The following MATN2 variants were observed in gnomAD, a reference collection of about 807,000 sequenced individuals.
The protein encoded by MATN2 is matrilin-2.
In MATN2, 69 loss-of-function variants were observed where a neutral mutation model predicts 103.2. The ratio of observed to expected loss-of-function variants is 0.67; its 90% CI spans 0.55 to 0.82. The LOEUF (loss-of-function observed/expected upper bound fraction) is 0.82, where lower values mean the gene tolerates loss of function less well. MATN2 is among the 40% of genes least tolerant of loss of function. The pLI is 0.00. For synonymous variants in MATN2, 429 were observed against 450.2 expected (o/e 0.95, Z 0.60); for missense variants, 1,023 against 1,211.5 (o/e 0.84, Z 2.31).
chr8:97,988,152 CAAAAAA>C (rs869146483), intron 6 of MATN2, among the ~76,000 whole-genome samples: 2 of 65,868 alleles, frequency 3.0e-5, no homozygotes, highest in Admixed American at 1.9e-4. Context: ...CCATCTCCAC[CAAAAAA>C]AAAAAAAAAA....
chr8:97,972,797 C>G, intron 5 of MATN2, among the ~76,000 whole-genome samples: 1 of 152,192 alleles, frequency 6.6e-6, no homozygotes, highest in Middle Eastern at 3.2e-3. Flanking sequence ...CACTTGTGAT[C>G]TGGAGGGCTA....
chr8:97,994,356 T>C, intron 6 of MATN2, 124 bp from the exon 7 acceptor site: 2 of 993,472 alleles, frequency 2.0e-6, no homozygotes, highest in East Asian at 5.0e-5. Context: ...GACCCCTTCA[T>C]GGTGTGACTC....
chr8:97,872,495 T>G (rs1817928413), intron 1 of MATN2, among the ~76,000 whole-genome samples: 1 of 152,224 alleles, frequency 6.6e-6, no homozygotes, highest in African/African-American at 2.4e-5. Flanking sequence ...GATGTTATCT[T>G]GCAGTTCTGA....
At chr8:97,939,951 A>G (rs1251832649) in intron 3 of MATN2, among the ~76,000 whole-genome samples, 2 of 152,198 alleles carry the variant, frequency 1.3e-5, no homozygotes, top group Non-Finnish European at 2.9e-5. Flanking sequence ...CAATGTATAT[A>G]GGATGAACCT....
chr8:97,900,207 C>T (rs1489151728), intron 2 of MATN2, among the ~76,000 whole-genome samples: 1 of 152,148 alleles, frequency 6.6e-6, no homozygotes, highest in Non-Finnish European at 1.5e-5. Flanking sequence ...GCTCAGAAGA[C>T]CATGGGGCTA....
chr8:97,925,717 A>G (rs1016588399), intron 2 of MATN2, among the ~76,000 whole-genome samples: 18 of 152,188 alleles, frequency 1.2e-4, no homozygotes, highest in Non-Finnish European at 1.5e-5. Flanking sequence ...GAGGCTCAAG[A>G]TCATTTGGAC....
intron 2 of MATN2, among the ~76,000 whole-genome samples, chr8:97,900,428 A>T (rs1818940447): frequency 6.6e-6 from 1 of 152,200 alleles, no homozygotes; most frequent in African/African-American, 2.4e-5. Context: ...ACTGTGGGTC[A>T]TTGCGCCATG....
At chr8:97,971,275 A>T (rs1271049280) in intron 5 of MATN2, among the ~76,000 whole-genome samples, 1 of 152,238 alleles carries the variant, frequency 6.6e-6, no homozygotes, top group African/African-American at 2.4e-5. Flanking sequence ...AACCATAAAC[A>T]TCAGTTCTGT....
intron 5 of MATN2, among the ~76,000 whole-genome samples, chr8:97,964,022 T>C (rs1340980979): frequency 6.6e-6 from 1 of 151,884 alleles, no homozygotes; most frequent in Admixed American, 6.6e-5. Context: ...GGCTGGAAGA[T>C]CTGAGTGTGG....
Position 98,016,650 on chromosome 8 carries a change from A to T in MATN2, c.1684A>T (p.Lys562Ter). ...FEGYILREDG[K>*]TCRRKDVCQA... is the part of the protein sequence containing the mutation. ...AGGTTATATACTCCGTGAAGATGGAAAAACCTGCAGAAGTAAGTTTGTACT... is the reference window on the plus strand; with the variant it reads ...AGGTTATATACTCCGTGAAGATGGATAAACCTGCAGAAGTAAGTTTGTACT... The change falls in exon 11 of 19, where the codon AAA becomes TAA. Residue 562 changes from lysine (K) to a stop codon, truncating the protein, a stop_gained. Coordinates refer to ENST00000254898, the MANE Select transcript of MATN2 (RefSeq NM_002380.5). LOFTEE classifies it high-confidence loss of function. The T allele has an allele frequency of 6.2e-7, 1 of 1,611,700 alleles. No homozygotes were observed. The highest frequency in any genetic ancestry group is 8.5e-7 in the Non-Finnish European group (1 of 1,178,698).
At chr8:98,035,625 C>T (rs1309891712) in intron 18 of MATN2, 32 bp from the exon 19 acceptor site, 15 of 1,328,650 alleles carry the variant, frequency 1.1e-5, no homozygotes, top group Non-Finnish European at 1.5e-5. Flanking sequence ...TAAAAATAGA[C>T]AATTCTTCAT....
chr8:98,019,040 A>G (rs1352836122), intron 12 of MATN2, among the ~76,000 whole-genome samples: 1 of 149,028 alleles, frequency 6.7e-6, no homozygotes, highest in Non-Finnish European at 1.5e-5. Context: ...ATATAATAGA[A>G]GACATATATA....
In MATN2 at chr8:98,005,201, G is replaced by T. The variant is rs1054933331; in HGVS notation, c.1327+1418G>T. On this transcript the variant is annotated intron_variant, in intron 8 of 18. Coordinates refer to ENST00000254898, the MANE Select transcript of MATN2 (RefSeq NM_002380.5). The surrounding 1 kb of genome is among the most constrained non-coding windows in gnomAD (Gnocchi z 4.6). ...AGAGAGAACAAAGTGCCCGGTAAAG[G>T]CTTTCTAAGGACTGATCTCAGAGGC... 6.6e-6 allele frequency among the ~76,000 whole-genome samples: 1 copy of T among 152,224 alleles called. No individual in the cohort carries two copies. The highest frequency in any genetic ancestry group is 6.5e-5 in the Admixed American group (1 of 15,280).
intron 5 of MATN2, among the ~76,000 whole-genome samples, chr8:97,966,287 G>A (rs963560127): frequency 6.6e-6 from 1 of 152,114 alleles, no homozygotes; most frequent in African/African-American, 2.4e-5. Context: ...CAAGCGTGGT[G>A]GCTCATGCCT....
intron 4 of MATN2, among the ~76,000 whole-genome samples, chr8:97,956,000 T>C (rs1305386838): frequency 6.6e-6 from 1 of 152,166 alleles, no homozygotes; most frequent in Non-Finnish European, 1.5e-5. Flanking sequence ...GCTTAGCCCA[T>C]GAGGGTTCTT....
Position 98,021,317 on chromosome 8 carries a change from A to T in MATN2, c.1932A>T (p.Arg644Ser), listed in dbSNP as rs759262439. The change falls in exon 13 of 19, where the codon AGA (arginine) becomes AGT (serine). Residue 644 changes from arginine to serine, a missense_variant. Arg to Ser is a moderately radical substitution (Grantham distance 110). Coordinates refer to ENST00000254898, the MANE Select transcript of MATN2 (RefSeq NM_002380.5). ...SEGFVLAEDG[R>S]RCKKCTEGPI... is the part of the protein sequence containing the mutation. ...GATTTGTTCTAGCTGAGGACGGAAG[A>T]CGGTGCAAGAGTAAGTGATCTGAAC... The T allele has an allele frequency of 8.7e-6, 14 of 1,613,286 alleles. No individual in the cohort carries two copies. Among genetic ancestry groups the T allele is most frequent in the Non-Finnish European group, 1.7e-6 (2 of 1,179,380 alleles).
chr8:97,956,335 A>G (rs373717340), intron 4 of MATN2, among the ~76,000 whole-genome samples: 11 of 152,154 alleles, frequency 7.2e-5, no homozygotes, highest in African/African-American at 2.7e-4. Flanking sequence ...CTGCCACCAC[A>G]TCTGGCTAAT....
intron 6 of MATN2, among the ~76,000 whole-genome samples, chr8:97,984,889 C>T (rs1206707266): frequency 6.6e-6 from 1 of 152,114 alleles, no homozygotes; most frequent in Admixed American, 6.6e-5. Flanking sequence ...CAGGTCTCAA[C>T]AGCAAAGTAA....
chr8:97,938,392 G>A (rs566912111), intron 3 of MATN2, among the ~76,000 whole-genome samples: 116 of 152,314 alleles, frequency 7.6e-4, no homozygotes, highest in Non-Finnish European at 8.4e-4. Context: ...GATGGGAATC[G>A]TTAGGACCAT....
Sources: gnomAD v4.1 joint callset for allele counts (sites outside exome capture counted in the v4.1 genomes callset) on GRCh38, gnomAD v4.1.1 for gene constraint, Gnocchi (gnomAD v3.1) non-coding constraint, MANE v1.5 for transcripts, NCBI Gene and HGNC (gene_info 2026-07-23, HGNC 2026-07-21) for gene names.